Variants in SPIDR observed in about 807,000 individuals in gnomAD.
The protein encoded by SPIDR is scaffold protein involved in DNA repair, also known as DNA repair-scaffolding protein.
SPIDR carries 93 observed loss-of-function variants against 104.6 expected under a neutral mutation model. The ratio of observed to expected loss-of-function variants is 0.89; its 90% CI spans 0.75 to 1.06. The LOEUF is 1.06. Among genes scored for constraint, SPIDR ranks in the 50% least tolerant of loss-of-function variants. The probability of loss-of-function intolerance (pLI) is 0.00; values close to 1 mark genes in which losing one functional copy is unlikely to be tolerated. For missense variants in SPIDR, 1,154 were observed against 1,111.2 expected (o/e 1.04, Z -0.55); for synonymous variants, 431 against 416.9 (o/e 1.03, Z -0.41).
At chr8:47,507,130 C>T (rs996089664) in intron 8 of SPIDR, among the ~76,000 whole-genome samples, 1 of 152,200 alleles carries the variant, frequency 6.6e-6, no homozygotes, top group Non-Finnish European at 1.5e-5. Flanking sequence ...AAGAAATCCA[C>T]CCATATGCCT....
At chr8:47,280,064 C>T (rs958550275) in intron 2 of SPIDR, 47 bp downstream of exon 2, 42 of 1,584,770 alleles carry the variant, frequency 2.7e-5, no homozygotes, top group Non-Finnish European at 3.5e-5. Flanking sequence ...AAGAGGAAAT[C>T]CTGAGTGTTC....
intron 8 of SPIDR, among the ~76,000 whole-genome samples, chr8:47,470,510 C>G (rs571095073): frequency 6.6e-6 from 1 of 151,796 alleles, no homozygotes; most frequent in Non-Finnish European, 1.5e-5. Flanking sequence ...GCTCGAACTC[C>G]TAACCTCAGG....
intron 8 of SPIDR, among the ~76,000 whole-genome samples, chr8:47,571,193 A>G (rs2058481252): frequency 6.6e-6 from 1 of 152,182 alleles, no homozygotes; most frequent in South Asian, 2.1e-4. Context: ...CCAAACTTTC[A>G]TTTATAAGAT....
At chr8:47,493,668 G>C (rs982564500) in intron 8 of SPIDR, among the ~76,000 whole-genome samples, 3 of 152,166 alleles carry the variant, frequency 2.0e-5, no homozygotes, top group Admixed American at 1.3e-4. Context: ...GGGCTTAGAT[G>C]ATGAGAAAAT....
chr8:47,300,400 C>T (rs1217860983), intron 5 of SPIDR, among the ~76,000 whole-genome samples: 2 of 152,104 alleles, frequency 1.3e-5, no homozygotes, highest in Non-Finnish European at 2.9e-5. Flanking sequence ...TTCAAAAAGC[C>T]AGCTCCTGGA....
chr8:47,444,455 G>A (rs746104039), intron 8 of SPIDR, among the ~76,000 whole-genome samples: 21 of 152,226 alleles, frequency 1.4e-4, no homozygotes, highest in Non-Finnish European at 2.8e-4. Context: ...TGCTGGAAGA[G>A]CGAAGTCTGA....
intron 8 of SPIDR, among the ~76,000 whole-genome samples, chr8:47,594,636 G>A (rs1017461045): frequency 4.6e-5 from 7 of 152,090 alleles, no homozygotes; most frequent in African/African-American, 1.7e-4. Context: ...CTTTTTGTCA[G>A]CACATGTTAC....
chr8:47,647,444 A>G (rs746985759), intron 10 of SPIDR, among the ~76,000 whole-genome samples: 7 of 152,020 alleles, frequency 4.6e-5, no homozygotes, highest in African/African-American at 9.7e-5. Flanking sequence ...GTGAAAACCT[A>G]TCTCTACTAA....
At chr8:47,451,919 C>T (rs2071837594) in intron 8 of SPIDR, among the ~76,000 whole-genome samples, 1 of 152,138 alleles carries the variant, frequency 6.6e-6, no homozygotes, top group Non-Finnish European at 1.5e-5. Context: ...ATAATCAGCC[C>T]TGGTCCCAGC....
At chr8:47,730,105 A>G (rs570551009) in intron 19 of SPIDR, among the ~76,000 whole-genome samples, 1 of 152,158 alleles carries the variant, frequency 6.6e-6, no homozygotes, top group Non-Finnish European at 1.5e-5. Context: ...GAATTCCCCA[A>G]GATGCTTTTT....
chr8:47,674,929 A>ATCCCC, intron 11 of SPIDR, among the ~76,000 whole-genome samples: 1 of 152,342 alleles, frequency 6.6e-6, no homozygotes, highest in East Asian at 1.9e-4. Context: ...TGGGAGACAT[A>ATCCCC]TCCCCTGTAA....
At position 47,396,498 on chromosome 8, in the gene SPIDR, A is replaced by C. The variant is rs782043026; in HGVS notation, c.648A>C (p.Ala216=). 6.2e-7 allele frequency: 1 copy of C among 1,614,190 alleles called. No homozygotes were observed. Among genetic ancestry groups the C allele is most frequent in the Non-Finnish European group, 8.5e-7 (1 of 1,180,026 alleles). ...HKYHVQFASD[A]RQIMERLIDP... is the part of the protein sequence containing the mutation. ...ACCACGTGCAGTTTGCATCGGATGCAAGACAGATTATGGAGAGACTGATAG... is the reference window on the plus strand; with the variant it reads ...ACCACGTGCAGTTTGCATCGGATGCCAGACAGATTATGGAGAGACTGATAG... Residue 216 remains alanine (A), a synonymous_variant, in exon 6 of 20, where the codon GCA becomes GCC. Transcript: ENST00000297423.
intron 5 of SPIDR, among the ~76,000 whole-genome samples, chr8:47,325,964 C>CT (rs1161858479): frequency 6.6e-6 from 1 of 152,138 alleles, no homozygotes; most frequent in Admixed American, 6.6e-5. Context: ...TTGACCATCT[C>CT]TATCTTTTTC....
rs1325084921 is a variant in SPIDR, at chr8:47,529,810, G to A, written c.1098-66001G>A. Reference sequence around the variant, plus strand: ...GCAATATTATAAGAGATACAAGGAGGAATTAGAAATATTTTGTTATTGTAA... The same window carrying A: ...GCAATATTATAAGAGATACAAGGAGAAATTAGAAATATTTTGTTATTGTAA... On this transcript the variant is annotated intron_variant, in intron 8 of 19. Transcript: ENST00000297423. Among the ~76,000 whole-genome samples the A allele has an allele frequency of 7.2e-5, 11 of 152,130 alleles. 1 individual carries two copies. Among genetic ancestry groups the A allele is most frequent in the Admixed American group, 2.0e-4 (3 of 15,276 alleles).
intron 5 of SPIDR, among the ~76,000 whole-genome samples, chr8:47,326,920 A>G (rs115347411): frequency 3.0e-4 from 46 of 152,302 alleles, no homozygotes; most frequent in African/African-American, 1.1e-3. Flanking sequence ...TGGTTTACAC[A>G]TTTCGGAGTA....
At chr8:47,733,742 A>G (rs2085675909) in intron 19 of SPIDR, among the ~76,000 whole-genome samples, 1 of 151,900 alleles carries the variant, frequency 6.6e-6, no homozygotes, top group African/African-American at 2.4e-5. Context: ...AATAAACCCC[A>G]TGTGTGAGCG....
At chr8:47,636,656 A>G (rs1269307502) in intron 10 of SPIDR, among the ~76,000 whole-genome samples, 1 of 152,020 alleles carries the variant, frequency 6.6e-6, no homozygotes, top group African/African-American at 2.4e-5. Flanking sequence ...CCACATCTCT[A>G]AGAAAAAAAT....
chr8:47,391,427 C>T (rs1554651945), intron 5 of SPIDR, among the ~76,000 whole-genome samples: 1 of 151,960 alleles, frequency 6.6e-6, no homozygotes, highest in East Asian at 1.9e-4. Flanking sequence ...GTAGCTTCAG[C>T]TACTTGAGAG....
intron 10 of SPIDR, among the ~76,000 whole-genome samples, chr8:47,645,401 G>A (rs894852152): frequency 1.2e-4 from 18 of 152,032 alleles, no homozygotes; most frequent in Admixed American, 1.3e-4. Flanking sequence ...GAGGTGAGGG[G>A]TGACTGGGGG....
Sources: gnomAD v4.1 joint callset for allele counts (sites outside exome capture counted in the v4.1 genomes callset) on GRCh38, gnomAD v4.1.1 for gene constraint, MANE v1.5 for transcripts, NCBI Gene and HGNC (gene_info 2026-07-23, HGNC 2026-07-21) for gene names.